TERF2: variants seen among roughly 807,000 people sequenced by gnomAD.
TERF2 encodes telomeric repeat-binding factor 2.
In TERF2, 16 loss-of-function variants were observed where a neutral mutation model predicts 56.1. The ratio of observed to expected loss-of-function variants is 0.29; its 90% confidence interval spans 0.19 to 0.43. TERF2 has a LOEUF of 0.43. Among genes scored for constraint, TERF2 ranks in the 20% least tolerant of loss-of-function variants. TERF2 has a pLI of 1.00. For synonymous variants in TERF2, 296 were observed against 282.1 expected (o/e 1.05, Z -0.50); for missense variants, 547 against 712.9 (o/e 0.77, Z 2.65).
intron 3 of TERF2, among the ~76,000 whole-genome samples, chr16:69,377,391 A>T (rs1394931790): frequency 6.6e-6 from 1 of 151,758 alleles, no homozygotes; most frequent in Non-Finnish European, 1.5e-5. Context: ...GCACTGCTGC[A>T]ATCTCAGCTC....
chr16:69,361,951 G>C lies in TERF2; in HGVS notation c.1341-462C>G, dbSNP rs2013160960. The stretch of plus-strand genomic sequence containing the variant: ...CAGTATTCCACTAGCCTCTTAACTA[G>C]AGTCTCTGCCGCTAGGCTCTTCCCC... On this transcript the variant is annotated intron_variant, in intron 7 of 9. Coordinates refer to ENST00000254942, the MANE Select transcript of TERF2 (RefSeq NM_005652.5). Among the ~76,000 whole-genome samples, 2 of 95,502 alleles carry C rather than the reference G, an allele frequency of 2.1e-5. 1 individual carries two copies. Among genetic ancestry groups the C allele is most frequent in the Non-Finnish European group, 4.9e-5 (2 of 41,236 alleles). 62.7% of individuals were successfully genotyped at this position (95,502 alleles called of 152,430 possible).
At chr16:69,371,115 C>T (rs1044032158) in intron 4 of TERF2, among the ~76,000 whole-genome samples, 1 of 151,684 alleles carries the variant, frequency 6.6e-6, no homozygotes, top group African/African-American at 2.4e-5. Flanking sequence ...CTGAGGGTCA[C>T]AGATGAGAGT....
chr16:69,358,941 A>C (rs963234695), intron 8 of TERF2, among the ~76,000 whole-genome samples: 3 of 152,246 alleles, frequency 2.0e-5, no homozygotes, highest in Admixed American at 1.3e-4. Context: ...TTCCGCTACA[A>C]ACCTGTACAG....
At chr16:69,368,633 T>C (rs1270263177) in intron 5 of TERF2, 151 bp from the exon 6 acceptor site, 3 of 1,529,012 alleles carry the variant, frequency 2.0e-6, no homozygotes, top group Non-Finnish European at 1.8e-6. Flanking sequence ...GGGAGAGAAC[T>C]TGTAAGACTT....
chr16:69,385,709 G>C lies in TERF2; in HGVS notation c.263C>G (p.Ala88Gly), dbSNP rs146506589. 5.0e-6 allele frequency: 8 copies of C among 1,595,354 alleles called. No individual in the cohort carries two copies. The highest frequency in any genetic ancestry group is 3.4e-5 in the South Asian group (3 of 88,886). ...GCGATTGACTGCCTCTTCCAGCCGT[G>C]CCTCCCCCGCGCCGCGCTCCGCCGG... ...GGPAERGAGE[A>G]RLEEAVNRWV... The change falls in exon 1 of 10, where the codon GCA becomes GGA. Residue 88 changes from alanine (A) to glycine (G), a missense_variant. Around this residue, in one of 6 missense-constraint regions of TERF2, gnomAD observed 120 missense variants for 172.4 expected, o/e 0.70. Transcript: ENST00000254942.
rs1178304508 is a variant in TERF2, at chr16:69,372,274, T to C, written c.688A>G (p.Thr230Ala). Residue 230 changes from threonine (T) to alanine (A), a missense_variant, in exon 4 of 10, where the codon ACT becomes GCT. Transcript: ENST00000254942. ...CAAAAATGTATCAAATTTACCTGAGTTGTGGGGTCCTTGGACATATGTTTT... is the reference window on the plus strand; with the variant it reads ...CAAAAATGTATCAAATTTACCTGAGCTGTGGGGTCCTTGGACATATGTTTT... The part of the protein sequence containing the change: ...LKKHMSKDPT[T>A]QKLRNDLLNI... The C allele has an allele frequency of 6.2e-7, 1 of 1,603,188 alleles. No individual in the cohort carries two copies. The highest frequency in any genetic ancestry group is 8.5e-7 in the Non-Finnish European group (1 of 1,176,034).
Position 69,366,857 on chromosome 16 carries a change from T to C in TERF2, c.1290A>G (p.Pro430=), listed in dbSNP as rs752907008. ...GTTGGTTGAGAACGGTGGGCTTGGATGGTGGCGCTGAAGCGGCCTCCTGGG... is the reference window on the plus strand; with the variant it reads ...GTTGGTTGAGAACGGTGGGCTTGGACGGTGGCGCTGAAGCGGCCTCCTGGG... ...NSSQEAASAP[P]SKPTVLNQPL... is the part of the protein sequence containing the mutation. The change falls in exon 7 of 10, where the codon CCA becomes CCG. Residue 430 remains proline (P), a synonymous_variant. Coordinates refer to ENST00000254942, the MANE Select transcript of TERF2 (RefSeq NM_005652.5). 2.5e-6 allele frequency: 4 copies of C among 1,614,042 alleles called. No individual in the cohort carries two copies. In the African/African-American group the frequency reaches 4.0e-5, roughly 16 times the overall value.
chr16:69,357,820 C>T (rs1009005452), intron 8 of TERF2, among the ~76,000 whole-genome samples: 1 of 151,514 alleles, frequency 6.6e-6, no homozygotes, highest in Non-Finnish European at 1.5e-5. Context: ...GCGTTTCAAG[C>T]TCTTCAGTAA....
At chr16:69,381,547 A>G (rs1226327474) in intron 3 of TERF2, among the ~76,000 whole-genome samples, 1 of 150,712 alleles carries the variant, frequency 6.6e-6, no homozygotes, top group African/African-American at 2.4e-5. Context: ...GAGGTATGAT[A>G]TCAGCTTACT....
At position 69,370,374 on chromosome 16, in the gene TERF2, T is replaced by C. The variant is rs1597250216; in HGVS notation, c.840+109A>G. The C allele has an allele frequency of 2.1e-6, 3 of 1,429,092 alleles. No homozygotes were observed. The East Asian group carries it at 6.9e-5, about 33-fold the overall frequency. 88.5% of individuals were successfully genotyped at this position (1,429,092 alleles called of 1,614,324 possible). A position where few individuals can be genotyped will look rare whatever the true frequency, so the allele number is the denominator to read the frequency against. On this transcript the variant is annotated intron_variant, in intron 5 of 9. Transcript: ENST00000254942. ...GCATTTAATTAAGAAAGCTAGTGCA[T>C]ACAATTCAATGTCTTTTTCACACAT...
rs143716470 is a variant in TERF2 at position 69,360,239 on chromosome 16, G to C, written c.1426+1165C>G. On this transcript the variant is annotated intron_variant, in intron 8 of 9. Coordinates refer to ENST00000254942, the MANE Select transcript of TERF2 (RefSeq NM_005652.5). Reference sequence around the variant, plus strand: ...CCGACTACTAAAAATACAAAAATTAGCCGGGCGTGGTGCGACACACCTGCA... The same window carrying C: ...CCGACTACTAAAAATACAAAAATTACCCGGGCGTGGTGCGACACACCTGCA... Among the ~76,000 whole-genome samples, 4 of 151,956 alleles carry C rather than the reference G, an allele frequency of 2.6e-5. No homozygotes were observed. The East Asian group carries it at 7.8e-4, about 30-fold the overall frequency.
At chr16:69,369,268 C>CTA (rs1436146614) in intron 5 of TERF2, among the ~76,000 whole-genome samples, 5 of 152,280 alleles carry the variant, frequency 3.3e-5, no homozygotes, top group African/African-American at 9.6e-5. Context: ...CTGCTAAGAT[C>CTA]ATGGACACTA....
chr16:69,366,972 A>T lies in TERF2; in HGVS notation c.1175T>A (p.Leu392Gln), dbSNP rs1236772828. Reference protein sequence around the residue: ...APADGEGGSELQPKNKRMTIS... With the variant: ...APADGEGGSEQQPKNKRMTIS... ...TGTCATGCGCTTGTTCTTGGGCTGCAGTTCCGAGCCACCCTCACCGTCAGC... is the reference window on the plus strand; with the variant it reads ...TGTCATGCGCTTGTTCTTGGGCTGCTGTTCCGAGCCACCCTCACCGTCAGC... The change falls in exon 7 of 10, where the codon CTG becomes CAG. Residue 392 changes from leucine (L) to glutamine (Q), a missense_variant. This residue lies in a region of TERF2 where 211 missense variants were observed against 236.8 expected (regional missense o/e 0.89). Coordinates refer to ENST00000254942, the MANE Select transcript of TERF2 (RefSeq NM_005652.5). 1 of 1,614,220 alleles carries T rather than the reference A, an allele frequency of 6.2e-7. No individual in the cohort carries two copies. The highest frequency in any genetic ancestry group is 1.1e-5 in the South Asian group (1 of 91,090).
Position 69,356,466 on chromosome 16 carries a change from A to G in TERF2, c.*432T>C. The G allele has an allele frequency of 7.2e-6, 2 of 275,940 alleles. No homozygotes were observed. Among genetic ancestry groups the G allele is most frequent in the South Asian group, 6.7e-5 (2 of 29,814 alleles). 17.1% of individuals were successfully genotyped at this position (275,940 alleles called of 1,614,324 possible). On this transcript the variant is annotated 3_prime_UTR_variant, in exon 10 of 10. Coordinates refer to ENST00000254942, the MANE Select transcript of TERF2 (RefSeq NM_005652.5). ...GGAAATGGGACCTCCCCCACGTCGA[A>G]GGAGGTTGCCCAAAATTCTCATCCC...
At chr16:69,369,631 C>T (rs1395514704) in intron 5 of TERF2, among the ~76,000 whole-genome samples, 3 of 152,150 alleles carry the variant, frequency 2.0e-5, no homozygotes, top group African/African-American at 7.2e-5. Flanking sequence ...AACAAAACCA[C>T]TCTCACTCAG....
At position 69,385,862 on chromosome 16, in the gene TERF2, G is replaced by T; in HGVS notation, c.110C>A (p.Ala37Glu). Residue 37 changes from alanine (A) to glutamate (E), a missense_variant, in exon 1 of 10, where the codon GCG becomes GAG. Transcript: ENST00000254942. ...KRPGREGGEGARRSDTMAGGG... is the reference protein window; with the variant it reads ...KRPGREGGEGERRSDTMAGGG... ...TCCCGCCATCGTGTCCGATCGCCGC[G>T]CGCCCTCCCCGCCCTCCCGGCCGGG... 7.3e-7 allele frequency: 1 copy of T among 1,369,276 alleles called. No individual in the cohort carries two copies. Among genetic ancestry groups the T allele is most frequent in the Non-Finnish European group, 9.4e-7 (1 of 1,058,738 alleles). The allele number at this position is 1,369,276 out of a possible 1,614,324, so 84.8% of individuals were successfully genotyped here.
Position 69,384,658 on chromosome 16 carries a change from A to C in TERF2, c.528T>G (p.Asn176Lys). 1.9e-6 allele frequency: 3 copies of C among 1,614,174 alleles called. No homozygotes were observed. The highest frequency in any genetic ancestry group is 2.5e-6 in the Non-Finnish European group (3 of 1,180,030). The change falls in exon 3 of 10, where the codon AAT becomes AAG. Residue 176 changes from asparagine (N) to lysine (K), a missense_variant. Physicochemically the swap from Asn to Lys is moderately conservative, Grantham distance 94. Transcript: ENST00000254942. ...ATTCCGTTTTAATCATCTCCAGCAC[A>C]TTGATAGCTGATTCCAGTGGTGTGA... ...AELTPLESAI[N>K]VLEMIKTEFT...
chr16:69,357,460 G>A (rs943329425), intron 9 of TERF2, 58 bp downstream of exon 9: 23 of 1,466,510 alleles, frequency 1.6e-5, no homozygotes, highest in South Asian at 8.1e-5. Flanking sequence ...GACAGGGCGC[G>A]TATTTTACCT....
intron 3 of TERF2, among the ~76,000 whole-genome samples, chr16:69,379,920 G>GT (rs1273705307): frequency 5.3e-5 from 8 of 150,832 alleles, no homozygotes; most frequent in East Asian, 1.9e-4. Context: ...GTAGAGTGGG[G>GT]TTTTTTTTTG....
Sources: allele counts gnomAD v4.1 joint callset (sites outside exome capture counted in the v4.1 genomes callset), GRCh38; gene constraint gnomAD v4.1.1; regional missense constraint gnomAD v4.1.1; transcripts MANE v1.5; gene names NCBI Gene and HGNC (gene_info 2026-07-23, HGNC 2026-07-21).